KIFC3: variants seen among roughly 807,000 people sequenced by gnomAD.
The protein encoded by KIFC3 is kinesin family member C3.
A neutral mutation model predicts 101.8 loss-of-function variants in KIFC3; 60 were observed. The observed-to-expected ratio is 0.59, with a 90% CI of 0.48 to 0.73. The LOEUF is 0.73. Among genes scored for constraint, KIFC3 ranks in the 30% least tolerant of loss-of-function variants. The pLI is 0.00. For synonymous variants in KIFC3, 476 were observed against 482.7 expected (o/e 0.99, Z 0.18); for missense variants, 966 against 1,137.1 (o/e 0.85, Z 2.16).
At position 57,775,003 on chromosome 16, in the gene KIFC3, C is replaced by G; in HGVS notation, c.316-2715G>C. 2.0e-6 allele frequency: 3 copies of G among 1,534,022 alleles called. No individual in the cohort carries two copies. The South Asian group carries it at 3.6e-5, about 18-fold the overall frequency. ...ACCTTGATCATCTCCACTGCCGCCC[C>G]TGCCAGGCACTCAGACCCTGATGCA... On this transcript the variant is annotated intron_variant, in intron 3 of 19. Transcript: ENST00000445690.
chr16:57,771,686 C>G lies in KIFC3; in HGVS notation c.382G>C (p.Gly128Arg), dbSNP rs2051236200. 1.2e-6 allele frequency: 2 copies of G among 1,610,850 alleles called. No individual in the cohort carries two copies. The highest frequency in any genetic ancestry group is 2.2e-5 in the East Asian group (1 of 44,800). Residue 128 changes from glycine to arginine, a missense_variant and splice_region_variant, in exon 5 of 20, where the codon GGG becomes CGG. Physicochemically the swap from Gly to Arg is moderately radical, Grantham distance 125 (BLOSUM62 -2). This residue lies in a region of KIFC3 where 277 missense variants were observed against 252.5 expected (regional missense o/e 1.10). Coordinates refer to ENST00000445690, the MANE Select transcript of KIFC3 (RefSeq NM_001130100.2). ...CGGTGCTTCTCCAAGTCGGTGCCCC[C>G]CTGCAGAGAGCCAGGGCCGAGGGGG... ...QEVSRLRSEL[G>R]GTDLEKHRDL... is the part of the protein sequence containing the mutation.
intron 3 of KIFC3, among the ~76,000 whole-genome samples, chr16:57,787,934 C>T (rs1251014598): frequency 1.3e-5 from 2 of 152,244 alleles, no homozygotes; most frequent in African/African-American, 2.4e-5. Context: ...TTCCGTCACA[C>T]GCTCTCTTCC....
At chr16:57,844,666 C>T (rs1439635537) in intron 1 of KIFC3, among the ~76,000 whole-genome samples, 2 of 152,078 alleles carry the variant, frequency 1.3e-5, no homozygotes, top group Admixed American at 6.6e-5. Context: ...CCGCCCCCTC[C>T]GCAGGCCCCA....
At chr16:57,775,820 G>A (rs531626837) in intron 3 of KIFC3, 2 of 985,618 alleles carry the variant, frequency 2.0e-6, no homozygotes, top group East Asian at 2.3e-4. Flanking sequence ...GGACAGCATG[G>A]ACGTCAATCC....
rs1310282922 is a variant in KIFC3 at position 57,770,006 on chromosome 16, G to A, written c.940-51C>T. ...TACCTCGAGGTGCGGGAGAGAGAGG[G>A]GCAGGTGCCACACCGAGAAAGAAAC... On this transcript the variant is annotated intron_variant, in intron 7 of 19. Coordinates refer to ENST00000445690, the MANE Select transcript of KIFC3 (RefSeq NM_001130100.2). The A allele has an allele frequency of 4.4e-6, 7 of 1,578,590 alleles. No individual in the cohort carries two copies. In the African/African-American group the frequency reaches 9.5e-5, roughly 21 times the overall value.
chr16:57,766,816 G>A (rs1597918118), intron 10 of KIFC3, 58 bp downstream of exon 10: 1 of 1,238,034 alleles, frequency 8.1e-7, no homozygotes, highest in Non-Finnish European at 1.2e-6. Context: ...AAGCATGACT[G>A]CCAAGCCAGG....
In KIFC3 at chr16:57,769,724, G is replaced by A. The variant is rs113568664; in HGVS notation, c.1089C>T (p.Gly363=). 149 of 1,613,016 alleles carry A rather than the reference G, an allele frequency of 9.2e-5. No individual in the cohort carries two copies. The highest frequency in any genetic ancestry group is 6.5e-4 in the African/African-American group (49 of 75,030). The stretch of plus-strand genomic sequence containing the variant: ...GCAAGGTCAGCAAGTTGGTCCGGAC[G>A]CCTATGGGGACACTCGGGCTGTGAG... ...EMKAVHENLA[G]VRTNLLTLQP... is the part of the protein sequence containing the mutation. Residue 363 remains glycine (G), a splice_region_variant and synonymous_variant, in exon 9 of 20, where the codon GGC becomes GGT. Coordinates refer to ENST00000445690, the MANE Select transcript of KIFC3 (RefSeq NM_001130100.2). This position sits in a 1 kb window ranked among gnomAD's most constrained non-coding sequence, Gnocchi z 4.3.
chr16:57,815,912 C>T (rs888861359), intron 1 of KIFC3, among the ~76,000 whole-genome samples: 3 of 152,200 alleles, frequency 2.0e-5, no homozygotes, highest in Admixed American at 6.5e-5. Flanking sequence ...GAGTGCTGCC[C>T]GGATACCCCG....
At chr16:57,786,038 A>G (rs1598075977) in intron 3 of KIFC3, among the ~76,000 whole-genome samples, 2 of 152,312 alleles carry the variant, frequency 1.3e-5, no homozygotes, top group Non-Finnish European at 2.9e-5. Flanking sequence ...AGAAAACTCT[A>G]TTCTTGTAGG....
At position 57,771,285 on chromosome 16, in the gene KIFC3, C is replaced by G; in HGVS notation, c.678G>C (p.Lys226Asn). 6.2e-7 allele frequency: 1 copy of G among 1,613,574 alleles called. No homozygotes were observed. Among genetic ancestry groups the G allele is most frequent in the Non-Finnish European group, 8.5e-7 (1 of 1,180,028 alleles). ...GACTAAGCCGCTCCTCCTCCTGTGC[C>G]TTCTCAGCCAGGCAGTCCTTGAGTC... The part of the protein sequence containing the change: ...ELRLKDCLAE[K>N]AQEEERLSRR... Residue 226 changes from lysine (K) to asparagine (N), a missense_variant, in exon 6 of 20, where the codon AAG becomes AAC. Lys to Asn is a moderately conservative substitution (Grantham distance 94). Transcript: ENST00000445690.
At chr16:57,777,925 A>T (rs1168105513) in intron 3 of KIFC3, among the ~76,000 whole-genome samples, 1 of 152,142 alleles carries the variant, frequency 6.6e-6, no homozygotes, top group Non-Finnish European at 1.5e-5. Flanking sequence ...TGCTGAGAAA[A>T]CTGGATATCC....
chr16:57,840,064 A>G (rs1212031071), intron 1 of KIFC3, among the ~76,000 whole-genome samples: 1 of 152,136 alleles, frequency 6.6e-6, no homozygotes, highest in Non-Finnish European at 1.5e-5. Context: ...TTAGCCAGCC[A>G]AGGTGGCTCA....
chr16:57,803,010 C>A, upstream of KIFC3: 1 of 1,535,920 alleles, frequency 6.5e-7, no homozygotes, highest in East Asian at 2.4e-5. Context: ...CGCTGGCGCA[C>A]ATGCACTCAC....
In KIFC3 at chr16:57,758,305, C is replaced by CCA; in HGVS notation, c.*628_*629insTG. ...ATAGGATTTCAGAGGGAAGAAAATT[C>CCA]GAGAGACCAGCGAGCCAGGCAGGTG... is the stretch of plus-strand genomic sequence containing the variant. On this transcript the variant is annotated 3_prime_UTR_variant, in exon 20 of 20. Transcript: ENST00000445690. The CCA allele has an allele frequency of 8.1e-6, 2 of 247,156 alleles. No homozygotes were observed. Among genetic ancestry groups the CCA allele is most frequent in the Non-Finnish European group, 1.6e-5 (2 of 123,408 alleles). The allele number at this position is 247,156 out of a possible 1,614,324, so 15.3% of individuals were successfully genotyped here. A position where few individuals can be genotyped will look rare whatever the true frequency, so the allele number is the denominator to read the frequency against.
rs1555484435 is a variant in KIFC3 at position 57,856,870 on chromosome 16, CG to C, written c.108+5858del. 1.2e-3 allele frequency among the ~76,000 whole-genome samples: 187 copies of C among 152,250 alleles called. 2 individuals carry two copies. Among genetic ancestry groups the C allele is most frequent in the African/African-American group, 4.2e-3 (176 of 41,550 alleles). On this transcript the variant is annotated intron_variant, in intron 1 of 2. Coordinates refer to the KIFC3 transcript ENST00000563028. ...TAGACAGACTAAATAGTCCTATATC[CG>C]TTAGAAGAAATTGAATTCATAGCTA... is the stretch of plus-strand genomic sequence containing the variant.
At chr16:57,802,704 C>A (rs2054822490), upstream of KIFC3, 7 of 863,114 alleles carry the variant, frequency 8.1e-6, no homozygotes, top group Middle Eastern at 3.6e-4. This position sits in a 1 kb window ranked among gnomAD's most constrained non-coding sequence, Gnocchi z 5.0. Flanking sequence ...TCTCTCCCGC[C>A]TCCCCGCGTC....
chr16:57,822,116 A>T (rs1265312189), intron 1 of KIFC3, among the ~76,000 whole-genome samples: 1 of 152,148 alleles, frequency 6.6e-6, no homozygotes, highest in Non-Finnish European at 1.5e-5. Context: ...AAAAACTGCA[A>T]GTAAAACAAG....
Position 57,761,442 on chromosome 16 carries a change from G to A in KIFC3, c.1843C>T (p.Gln615Ter). The A allele has an allele frequency of 2.5e-6, 4 of 1,614,040 alleles. No individual in the cohort carries two copies. The highest frequency in any genetic ancestry group is 3.4e-6 in the Non-Finnish European group (4 of 1,179,934). The change falls in exon 14 of 20, where the codon CAA becomes TAA. Residue 615 changes from glutamine (Q) to a stop codon, truncating the protein, a stop_gained. Coordinates refer to ENST00000445690, the MANE Select transcript of KIFC3 (RefSeq NM_001130100.2). LOFTEE classifies it high-confidence loss of function. ...TTGATGTCGTCCACGCTCTGCACTT[G>A]GAACTCAGTCAGCCCTGGTACATAC... ...QLYVPGLTEF[Q>*]VQSVDDINKV...
intron 1 of KIFC3, among the ~76,000 whole-genome samples, chr16:57,801,667 G>A (rs1373576946): frequency 2.0e-5 from 3 of 152,262 alleles, no homozygotes; most frequent in Non-Finnish European, 4.4e-5. Flanking sequence ...GGGTATGGAG[G>A]TGGGGGCTGG....
Sources: gnomAD v4.1 joint callset for allele counts (sites outside exome capture counted in the v4.1 genomes callset) on GRCh38, gnomAD v4.1.1 for gene constraint, gnomAD v4.1.1 regional missense constraint, Gnocchi (gnomAD v3.1) non-coding constraint, MANE v1.5 for transcripts, NCBI Gene and HGNC (gene_info 2026-07-23, HGNC 2026-07-21) for gene names.